The following IGF1R variants were observed in gnomAD, a reference collection of about 807,000 sequenced individuals.
IGF1R encodes the protein insulin like growth factor 1 receptor, also known as insulin-like growth factor 1 receptor.
IGF1R carries 44 observed loss-of-function variants against 144.6 expected under a neutral mutation model. The observed-to-expected ratio is 0.30, with a 90% CI of 0.24 to 0.39. The LOEUF (loss-of-function observed/expected upper bound fraction) is 0.39. Ranked by LOEUF, IGF1R falls within the 10% of genes least tolerant of loss-of-function variation. The pLI, the probability that IGF1R is intolerant of heterozygous loss-of-function variation, is 1.00. For synonymous variants in IGF1R, 795 were observed against 722.8 expected (o/e 1.10, Z -1.60); for missense variants, 1,355 against 1,833.7 (o/e 0.74, Z 4.77).
Position 98,899,708 on chromosome 15 carries a change from C to G in IGF1R, c.1247+87C>G, listed in dbSNP as rs1372164707. On this transcript the variant is annotated intron_variant, in intron 5 of 20. Coordinates refer to ENST00000650285, the MANE Select transcript of IGF1R (RefSeq NM_000875.5). ...ACTGTGTTGCTGAGGTAAGAGCCCT[C>G]CCTGCCTTGTTAAAGAGAAGAAAGG... 7 of 1,345,964 alleles carry G rather than the reference C, an allele frequency of 5.2e-6. No individual in the cohort carries two copies. In the African/African-American group the frequency reaches 7.2e-5, roughly 14 times the overall value. The allele number at this position is 1,345,964 out of a possible 1,614,324, so 83.4% of individuals were successfully genotyped here. A position where few individuals can be genotyped will look rare whatever the true frequency, so the allele number is the denominator to read the frequency against.
intron 2 of IGF1R, among the ~76,000 whole-genome samples, chr15:98,875,349 C>CTTTTCT (rs1555455559): frequency 3.1e-5 from 4 of 130,210 alleles, no homozygotes; most frequent in East Asian, 4.3e-4. Flanking sequence ...CTTTTCTTTT[C>CTTTTCT]TTTTTTTTTT....
intron 20 of IGF1R, among the ~76,000 whole-genome samples, chr15:98,950,057 A>T (rs757139986): frequency 3.9e-5 from 6 of 152,224 alleles, no homozygotes; most frequent in Admixed American, 2.0e-4. Flanking sequence ...GTGGGCTCCC[A>T]CTAGTATCTC....
At chr15:98,829,933 G>A (rs2684770) in intron 2 of IGF1R, among the ~76,000 whole-genome samples, 16,514 of 152,190 alleles carry the variant, frequency 0.11, 2,035 homozygotes, top group African/African-American at 0.3. Flanking sequence ...GGCAAAGTAT[G>A]ATTGAATTTA....
Position 98,727,429 on chromosome 15 carries a change from C to T in IGF1R, c.640+19322C>T, listed in dbSNP as rs982861778. 3.9e-5 allele frequency among the ~76,000 whole-genome samples: 6 copies of T among 152,130 alleles called. No individual in the cohort carries two copies. In the East Asian group the frequency reaches 5.8e-4, roughly 15 times the overall value. On this transcript the variant is annotated intron_variant, in intron 2 of 20. Coordinates refer to ENST00000650285, the MANE Select transcript of IGF1R (RefSeq NM_000875.5). ...CAAAGCAAACTTGTGGTTGCCTGCC[C>T]GTAGTTTAATTCTGCCTCCTTTGGG...
In IGF1R at chr15:98,861,505, A is replaced by T. The variant is rs796122787; in HGVS notation, c.641-29820A>T. Among the ~76,000 whole-genome samples the T allele has an allele frequency of 2.6e-5, 4 of 152,198 alleles. No homozygotes were observed. In the South Asian group the frequency reaches 6.2e-4, roughly 24 times the overall value. Reference sequence around the variant, plus strand: ...AGGTTAGGCCCTGCTTCTAGGGGACATTAGCTTTCCACCCTCTACTACATA... The same window carrying T: ...AGGTTAGGCCCTGCTTCTAGGGGACTTTAGCTTTCCACCCTCTACTACATA... On this transcript the variant is annotated intron_variant, in intron 2 of 20. Coordinates refer to ENST00000650285, the MANE Select transcript of IGF1R (RefSeq NM_000875.5).
intron 1 of IGF1R, among the ~76,000 whole-genome samples, chr15:98,654,069 G>T (rs992073091): frequency 1.3e-5 from 2 of 152,120 alleles, no homozygotes; most frequent in African/African-American, 4.8e-5. Flanking sequence ...TCAGTATAGG[G>T]TGCAGTTTTC....
intron 2 of IGF1R, among the ~76,000 whole-genome samples, chr15:98,855,881 T>C (rs2011784974): frequency 6.6e-6 from 1 of 152,158 alleles, no homozygotes; most frequent in Non-Finnish European, 1.5e-5. Flanking sequence ...AGAAAAAGAA[T>C]AATGGAAGTG....
At chr15:98,768,354 C>G (rs549125749) in intron 2 of IGF1R, among the ~76,000 whole-genome samples, 6 of 152,128 alleles carry the variant, frequency 3.9e-5, no homozygotes, top group Non-Finnish European at 5.9e-5. Context: ...CGGTGGCTTA[C>G]GCCTATAATC....
intron 2 of IGF1R, among the ~76,000 whole-genome samples, chr15:98,797,712 G>A (rs555414687): frequency 5.9e-5 from 9 of 152,248 alleles, no homozygotes; most frequent in Middle Eastern, 3.4e-3. Flanking sequence ...CAACAAATAC[G>A]GACTGAGCAT....
At chr15:98,829,393 G>T (rs1249155334) in intron 2 of IGF1R, among the ~76,000 whole-genome samples, 1 of 151,958 alleles carries the variant, frequency 6.6e-6, no homozygotes, top group African/African-American at 2.4e-5. Flanking sequence ...TTGAGGTTTG[G>T]TTTCTTTCCC....
intron 1 of IGF1R, among the ~76,000 whole-genome samples, chr15:98,689,037 C>T (rs1040045354): frequency 3.9e-5 from 6 of 152,072 alleles, no homozygotes; most frequent in South Asian, 2.1e-4. Context: ...TCAGTGTTAG[C>T]AAAATTAAAT....
rs544674838 is a variant in IGF1R at position 98,649,525 on chromosome 15, CTTTTTTTTTTTTTTT to C, written c.-47_-33del. 5.5e-6 allele frequency: 4 copies of C among 723,786 alleles called. No homozygotes were observed. Among genetic ancestry groups the C allele is most frequent in the Middle Eastern group, 3.2e-4 (1 of 3,172 alleles). 44.8% of individuals were successfully genotyped at this position (723,786 alleles called of 1,614,324 possible). A position where few individuals can be genotyped will look rare whatever the true frequency, so the allele number is the denominator to read the frequency against. On this transcript the variant is annotated 5_prime_UTR_variant, in exon 1 of 21. Transcript: ENST00000650285. ...TCATTTCCTTTTTTTCTTTTCTTTTCTTTTTTTTTTTTTTTTTTTTTTTTGAGAAAGGGGAATTTC... is the reference window on the plus strand; with the variant it reads ...TCATTTCCTTTTTTTCTTTTCTTTTCTTTTTTTTTGAGAAAGGGGAATTTC...
chr15:98,697,240 G>A (rs1258669284), intron 1 of IGF1R, among the ~76,000 whole-genome samples: 3 of 152,150 alleles, frequency 2.0e-5, no homozygotes, highest in Admixed American at 6.5e-5. Flanking sequence ...GAAAATCAAC[G>A]CAGTCGGTTG....
chr15:98,909,139 T>C (rs1313565779), intron 6 of IGF1R, among the ~76,000 whole-genome samples: 1 of 152,240 alleles, frequency 6.6e-6, no homozygotes, highest in Admixed American at 6.5e-5. Context: ...GAAACACTTA[T>C]AAGTAGGTTC....
At chr15:98,949,222 G>A (rs985034691) in intron 20 of IGF1R, among the ~76,000 whole-genome samples, 13 of 152,260 alleles carry the variant, frequency 8.5e-5, no homozygotes, top group African/African-American at 2.6e-4. Context: ...TGCCCCACAT[G>A]TCTTCTCTGT....
intron 2 of IGF1R, among the ~76,000 whole-genome samples, chr15:98,740,829 C>T (rs1378926066): frequency 1.3e-5 from 2 of 152,142 alleles, no homozygotes; most frequent in African/African-American, 2.4e-5. Context: ...TCCTTGGCAT[C>T]CCCACAACCC....
intron 10 of IGF1R, 130 bp from the exon 11 acceptor site, chr15:98,922,018 T>C (rs1321599696): frequency 5.4e-6 from 5 of 924,840 alleles, no homozygotes; most frequent in Non-Finnish European, 6.9e-6. Context: ...TATTCATGAG[T>C]TCTTACCTAA....
intron 1 of IGF1R, among the ~76,000 whole-genome samples, chr15:98,661,996 T>G (rs1377509482): frequency 2.1e-5 from 3 of 140,678 alleles, no homozygotes; most frequent in African/African-American, 8.3e-5. Context: ...ACAGTCTTGC[T>G]CTGTTGCCCA....
chr15:98,674,608 A>G (rs943707818), intron 1 of IGF1R, among the ~76,000 whole-genome samples: 1 of 152,204 alleles, frequency 6.6e-6, no homozygotes, highest in Non-Finnish European at 1.5e-5. Flanking sequence ...TTGATTAGGG[A>G]CACATTTGCC....
Sources: gnomAD v4.1 joint callset for allele counts (sites outside exome capture counted in the v4.1 genomes callset) on GRCh38, gnomAD v4.1.1 for gene constraint, MANE v1.5 for transcripts, NCBI Gene and HGNC (gene_info 2026-07-23, HGNC 2026-07-21) for gene names.